SEMA3C: variants seen among roughly 807,000 people sequenced by gnomAD.
SEMA3C encodes semaphorin-3C.
In SEMA3C, 47 loss-of-function variants were observed where a neutral mutation model predicts 89.4. That is an observed-to-expected ratio of 0.53 (90% CI 0.42 to 0.67). The LOEUF (loss-of-function observed/expected upper bound fraction) is 0.67, where lower values mean the gene tolerates loss of function less well. Among genes scored for constraint, SEMA3C ranks in the 30% least tolerant of loss-of-function variants. SEMA3C has a pLI of 0.00. For synonymous variants in SEMA3C, 310 were observed against 320.2 expected, an observed-to-expected ratio of 0.97 and a Z score of 0.34; for missense variants, 839 against 929.1, an observed-to-expected ratio of 0.90 and a Z score of 1.26.
At chr7:80,904,815 G>T (rs550704205) in intron 2 of SEMA3C, among the ~76,000 whole-genome samples, 2 of 152,258 alleles carry the variant, frequency 1.3e-5, no homozygotes, top group East Asian at 3.9e-4. Context: ...GAATTGGTCT[G>T]GGGTGTGGCC....
intron 2 of SEMA3C, among the ~76,000 whole-genome samples, chr7:80,841,944 G>T (rs1181259594): frequency 6.6e-6 from 1 of 152,144 alleles, no homozygotes; most frequent in Non-Finnish European, 1.5e-5. Flanking sequence ...CTGCAGAACT[G>T]CAGAGGACAG....
At chr7:80,805,800 C>T in intron 6 of SEMA3C, 42 bp from the exon 7 acceptor site, 1 of 1,491,060 alleles carries the variant, frequency 6.7e-7, no homozygotes, top group Non-Finnish European at 9.2e-7. Context: ...ATTTTTAAAG[C>T]TATTTTGAAA....
At chr7:80,800,310 T>C (rs1459454921) in intron 10 of SEMA3C, among the ~76,000 whole-genome samples, 1 of 152,206 alleles carries the variant, frequency 6.6e-6, no homozygotes, top group Non-Finnish European at 1.5e-5. Flanking sequence ...AAAAAAATAC[T>C]GTACACAATT....
rs1307247013 is a variant in SEMA3C, at chr7:80,744,563, A to G, written c.*331T>C. On this transcript the variant is annotated 3_prime_UTR_variant, in exon 18 of 18. Transcript: ENST00000265361. ...CCCCAAAGCAGGAAAGGAATACCAC[A>G]GGGATATGGCCCTCATTCAATTGAG... The G allele has an allele frequency of 3.3e-6, 1 of 304,764 alleles. No homozygotes were observed. Among genetic ancestry groups the G allele is most frequent in the East Asian group, 9.0e-5 (1 of 11,056 alleles). 18.9% of individuals were successfully genotyped at this position (304,764 alleles called of 1,614,324 possible). A position where few individuals can be genotyped will look rare whatever the true frequency, so the allele number is the denominator to read the frequency against.
At chr7:80,905,958 T>G in intron 2 of SEMA3C, 1 of 1,200,742 alleles carries the variant, frequency 8.3e-7, no homozygotes, top group Non-Finnish European at 1.1e-6. Flanking sequence ...TTGTTTTGTT[T>G]TTTTTTTAAC....
At chr7:80,788,036 T>G (rs1189463255) in intron 12 of SEMA3C, among the ~76,000 whole-genome samples, 1 of 151,664 alleles carries the variant, frequency 6.6e-6, no homozygotes, top group Non-Finnish European at 1.5e-5. Context: ...AGATATGGGG[T>G]TTTCAAGAAT....
At chr7:80,915,188 G>A (rs1160644917) in intron 2 of SEMA3C, among the ~76,000 whole-genome samples, 1 of 152,146 alleles carries the variant, frequency 6.6e-6, no homozygotes, top group Non-Finnish European at 1.5e-5. Context: ...TAACTTGGGA[G>A]GAAAAGTGTG....
intron 3 of SEMA3C, among the ~76,000 whole-genome samples, chr7:80,828,089 A>G (rs1043374714): frequency 4.6e-5 from 7 of 152,130 alleles, no homozygotes; most frequent in Non-Finnish European, 5.9e-5. Flanking sequence ...GCAAATGCAG[A>G]AGTCTCCTTG....
intron 2 of SEMA3C, among the ~76,000 whole-genome samples, chr7:80,859,844 G>C (rs1302413117): frequency 3.3e-5 from 5 of 152,082 alleles, no homozygotes; most frequent in Admixed American, 3.3e-4. Flanking sequence ...GAACTGAACT[G>C]AAATTTAGCA....
chr7:80,769,864 CAAAA>C (rs1293174938), intron 12 of SEMA3C, among the ~76,000 whole-genome samples: 3 of 46,660 alleles, frequency 6.4e-5, no homozygotes, highest in Non-Finnish European at 7.4e-5. Context: ...GTCCCCCCCC[CAAAA>C]AAAAAAAAAA....
At chr7:80,879,447 A>G (rs1479701808) in intron 2 of SEMA3C, among the ~76,000 whole-genome samples, 1 of 152,182 alleles carries the variant, frequency 6.6e-6, no homozygotes, top group Non-Finnish European at 1.5e-5. Flanking sequence ...ATGTGGGTGT[A>G]GTAAGGTTGT....
At chr7:80,841,315 G>A (rs1411210405) in intron 2 of SEMA3C, among the ~76,000 whole-genome samples, 1 of 152,156 alleles carries the variant, frequency 6.6e-6, no homozygotes, top group African/African-American at 2.4e-5. Context: ...TTGTGTGCCT[G>A]CATAGTAATA....
intron 2 of SEMA3C, among the ~76,000 whole-genome samples, chr7:80,914,587 T>A (rs1307900294): frequency 6.6e-6 from 1 of 152,176 alleles, no homozygotes; most frequent in Non-Finnish European, 1.5e-5. Context: ...GATACATCTC[T>A]TTTAAACAGT....
At chr7:80,892,841 T>C (rs1791648428) in intron 2 of SEMA3C, among the ~76,000 whole-genome samples, 1 of 152,184 alleles carries the variant, frequency 6.6e-6, no homozygotes, top group South Asian at 2.1e-4. Context: ...TCCTTCATTT[T>C]TCATGGCTCT....
Position 80,840,856 on chromosome 7 carries a change from G to T in SEMA3C, c.104-12111C>A, listed in dbSNP as rs192432167. ...AAGTATAGTAAAAGGGAGGGTAAGT[G>T]TTTAAGACAAGGGCTTTACATCATG... is the stretch of plus-strand genomic sequence containing the variant. On this transcript the variant is annotated intron_variant, in intron 2 of 17. Transcript: ENST00000265361. 3.0e-4 allele frequency among the ~76,000 whole-genome samples: 46 copies of T among 152,274 alleles called. No homozygotes were observed. In the East Asian group the frequency reaches 8.3e-3, roughly 28 times the overall value.
chr7:80,759,816 T>C (rs577179638), intron 14 of SEMA3C, among the ~76,000 whole-genome samples: 1 of 152,334 alleles, frequency 6.6e-6, no homozygotes, highest in Non-Finnish European at 1.5e-5. Context: ...AGAAAACAAC[T>C]GCGTGTTTTC....
chr7:80,764,499 A>G (rs915255688), intron 13 of SEMA3C, among the ~76,000 whole-genome samples: 4 of 152,148 alleles, frequency 2.6e-5, no homozygotes, highest in Non-Finnish European at 5.9e-5. Flanking sequence ...TCACAGATAC[A>G]TAAAGAACAT....
intron 12 of SEMA3C, among the ~76,000 whole-genome samples, chr7:80,770,471 G>A (rs60329078): frequency 0.026 from 3,983 of 152,288 alleles, 248 homozygotes; most frequent in East Asian, 0.24. Context: ...TGGTTACAGC[G>A]AAGCTGTCAC....
chr7:80,762,505 A>C (rs192067926), intron 13 of SEMA3C, among the ~76,000 whole-genome samples: 34 of 152,354 alleles, frequency 2.2e-4, no homozygotes, highest in Non-Finnish European at 3.4e-4. Flanking sequence ...AAAAATTATT[A>C]GTTACTTTTA....
Sources: gnomAD v4.1 joint callset for allele counts (sites outside exome capture counted in the v4.1 genomes callset) on GRCh38, gnomAD v4.1.1 for gene constraint, MANE v1.5 for transcripts, NCBI Gene and HGNC (gene_info 2026-07-23, HGNC 2026-07-21) for gene names.